Variants in ARMH4 observed in about 807,000 individuals in gnomAD.
ARMH4 encodes the protein armadillo like helical domain containing 4.
In ARMH4, 49 loss-of-function variants were observed where a neutral mutation model predicts 61.9. The ratio of observed to expected loss-of-function variants is 0.79; its 90% CI spans 0.63 to 1.00. ARMH4 has a LOEUF of 1.00. ARMH4 is among the 50% of genes least tolerant of loss of function. The pLI is 0.00. For synonymous variants in ARMH4, 368 were observed against 341.5 expected (o/e 1.08, Z -0.85); for missense variants, 934 against 930.0 (o/e 1.00, Z -0.06).
In ARMH4 at chr14:58,001,246, C is replaced by A. The variant is rs1881973856; in HGVS notation, c.*3490G>T. Reference sequence around the variant, plus strand: ...TATGTATATACCACATTTTCTTTATCCATTCATCTATTGATAGATATTTGC... The same window carrying A: ...TATGTATATACCACATTTTCTTTATACATTCATCTATTGATAGATATTTGC... On this transcript the variant is annotated 3_prime_UTR_variant, in exon 8 of 8. Coordinates refer to ENST00000267485, the MANE Select transcript of ARMH4 (RefSeq NM_001001872.4). The A allele has an allele frequency of 6.6e-6, 1 of 152,160 alleles. No individual in the cohort carries two copies. The allele number at this position is 152,160 out of a possible 1,614,324, so 9.4% of individuals were successfully genotyped here. A position where few individuals can be genotyped will look rare whatever the true frequency, so the allele number is the denominator to read the frequency against.
chr14:58,079,006 T>C (rs1885136923), intron 5 of ARMH4, among the ~76,000 whole-genome samples: 1 of 152,234 alleles, frequency 6.6e-6, no homozygotes, highest in African/African-American at 2.4e-5. Context: ...CTGCCACACA[T>C]CATCACATCT....
At chr14:58,058,205 C>T (rs1344044267) in intron 5 of ARMH4, among the ~76,000 whole-genome samples, 1 of 152,024 alleles carries the variant, frequency 6.6e-6, no homozygotes, top group Non-Finnish European at 1.5e-5. Flanking sequence ...CACATCTTCC[C>T]ATATATTTTA....
Position 58,133,229 on chromosome 14 carries a change from A to G in ARMH4, c.1482T>C (p.Thr494=). The change falls in exon 3 of 8, where the codon ACT becomes ACC. Residue 494 remains threonine (T), a synonymous_variant. Transcript: ENST00000267485. ...TLELIRDSGK[T]EEEKEDPSPV... is the part of the protein sequence containing the mutation. The stretch of plus-strand genomic sequence containing the variant: ...GAGAGGGGTCCTCCTTTTCTTCCTC[A>G]GTCTTGCCACTGTCTCTGATAAGCT... 1 of 1,614,152 alleles carries G rather than the reference A, an allele frequency of 6.2e-7. No individual in the cohort carries two copies. The highest frequency in any genetic ancestry group is 2.2e-5 in the East Asian group (1 of 44,868).
chr14:58,050,806 T>C (rs1884111897), intron 5 of ARMH4, among the ~76,000 whole-genome samples: 1 of 152,150 alleles, frequency 6.6e-6, no homozygotes, highest in South Asian at 2.1e-4. Context: ...TGAAACGCTA[T>C]ATCCATTAAA....
rs555175109 is a variant in ARMH4, at chr14:58,138,222, G to A, written c.1137C>T (p.Ala379=). 5.6e-6 allele frequency: 9 copies of A among 1,614,158 alleles called. No individual in the cohort carries two copies. The highest frequency in any genetic ancestry group is 1.3e-5 in the African/African-American group (1 of 74,994). Residue 379 remains alanine, a synonymous_variant, in exon 2 of 8, where the codon GCC becomes GCT. Transcript: ENST00000267485. ...LPEGETHTGT[A]LLIAHGNERS... ...TCTCATTCCCATGCGCTATTAGCAG[G>A]GCTGTGCCCGTGTGTGTTTCCCCTT...
intron 5 of ARMH4, among the ~76,000 whole-genome samples, chr14:58,015,896 AAAATTT>A (rs1040950320): frequency 6.0e-5 from 9 of 150,976 alleles, no homozygotes; most frequent in African/African-American, 1.9e-4. Flanking sequence ...AAAATAAAAT[AAAATTT>A]AAATTTAAAT....
At chr14:58,078,634 A>C (rs909434142) in intron 5 of ARMH4, among the ~76,000 whole-genome samples, 5 of 152,254 alleles carry the variant, frequency 3.3e-5, no homozygotes, top group African/African-American at 1.2e-4. Context: ...CTTTTTCTGT[A>C]AAGAGTGAGA....
intron 5 of ARMH4, among the ~76,000 whole-genome samples, chr14:58,042,745 A>G (rs1282717837): frequency 2.6e-5 from 4 of 152,202 alleles, no homozygotes; most frequent in Non-Finnish European, 5.9e-5. Context: ...AGATGCAATA[A>G]AAAATGATAA....
chr14:58,026,195 A>G (rs1883013421), intron 5 of ARMH4, among the ~76,000 whole-genome samples: 2 of 152,162 alleles, frequency 1.3e-5, no homozygotes, highest in African/African-American at 4.8e-5. Flanking sequence ...TATATGACAC[A>G]TAAATGAGGA....
At chr14:58,149,684 A>G (rs1887860856) in intron 1 of ARMH4, among the ~76,000 whole-genome samples, 1 of 152,200 alleles carries the variant, frequency 6.6e-6, no homozygotes, top group Admixed American at 6.5e-5. Context: ...AAGATTTAAA[A>G]ACAGGCTTCT....
intron 5 of ARMH4, among the ~76,000 whole-genome samples, chr14:58,052,567 G>A (rs1380624871): frequency 6.6e-6 from 1 of 152,078 alleles, no homozygotes; most frequent in African/African-American, 2.4e-5. Context: ...ATTGGCTTCT[G>A]TGACACCACG....
At chr14:58,146,861 T>C (rs1025787875) in intron 1 of ARMH4, among the ~76,000 whole-genome samples, 3 of 152,254 alleles carry the variant, frequency 2.0e-5, no homozygotes, top group African/African-American at 7.2e-5. Context: ...GTGATGAAGC[T>C]ACTACTTCCA....
chr14:58,074,607 C>A (rs1884986034), intron 5 of ARMH4, among the ~76,000 whole-genome samples: 1 of 151,868 alleles, frequency 6.6e-6, no homozygotes, highest in South Asian at 2.1e-4. Context: ...TTCCAACCAC[C>A]AATATGACAT....
chr14:58,141,387 C>T (rs993604158), intron 1 of ARMH4: 4 of 524,706 alleles, frequency 7.6e-6, no homozygotes, highest in Non-Finnish European at 1.1e-5. Flanking sequence ...AGGAGGGTAT[C>T]CCACCTGACC....
At chr14:58,028,723 T>G (rs1003293730) in intron 5 of ARMH4, among the ~76,000 whole-genome samples, 32 of 152,172 alleles carry the variant, frequency 2.1e-4, no homozygotes, top group African/African-American at 7.0e-4. Flanking sequence ...AGGCTTCAAG[T>G]TGCCTCCACA....
intron 1 of ARMH4, among the ~76,000 whole-genome samples, chr14:58,142,313 T>C (rs1264797423): frequency 2.6e-5 from 4 of 151,978 alleles, no homozygotes; most frequent in Admixed American, 2.6e-4. Context: ...CCTTAAGGAG[T>C]TTCAAAGCTT....
intron 5 of ARMH4, among the ~76,000 whole-genome samples, chr14:58,041,213 C>G (rs573586229): frequency 6.6e-6 from 1 of 152,108 alleles, no homozygotes; most frequent in Non-Finnish European, 1.5e-5. Flanking sequence ...CCTTTCCTAG[C>G]CAAGGGAAGG....
chr14:58,052,065 C>G (rs1884162665), intron 5 of ARMH4, among the ~76,000 whole-genome samples: 1 of 152,126 alleles, frequency 6.6e-6, no homozygotes, highest in Non-Finnish European at 1.5e-5. Flanking sequence ...TACTCTAGGC[C>G]CTGGTCATCT....
intron 4 of ARMH4, among the ~76,000 whole-genome samples, chr14:58,120,305 A>G (rs1886683705): frequency 6.6e-6 from 1 of 152,090 alleles, no homozygotes; most frequent in African/African-American, 2.4e-5. Context: ...TATACAGCAC[A>G]TTACTATAAA....
Sources: allele counts gnomAD v4.1 joint callset (sites outside exome capture counted in the v4.1 genomes callset), GRCh38; gene constraint gnomAD v4.1.1; transcripts MANE v1.5; gene names NCBI Gene and HGNC (gene_info 2026-07-23, HGNC 2026-07-21).